ZNF730: variants seen among roughly 807,000 people sequenced by gnomAD.
ZNF730 encodes the protein putative zinc finger protein 730.
A neutral mutation model predicts 12.6 loss-of-function variants in ZNF730; 12 were observed. That is an observed-to-expected ratio of 0.95 (90% CI 0.61 to 1.54). The LOEUF (loss-of-function observed/expected upper bound fraction) is 1.54. ZNF730 is among the 40% of genes most tolerant of loss of function. The pLI is 0.00. For missense variants in ZNF730, 643 were observed against 583.5 expected (o/e 1.10, Z -1.05); for synonymous variants, 194 against 195.8 (o/e 0.99, Z 0.08).
At chr19:23,105,895 T>C (rs1026208407) in intron 1 of ZNF730, among the ~76,000 whole-genome samples, 4 of 152,240 alleles carry the variant, frequency 2.6e-5, no homozygotes, top group African/African-American at 9.6e-5. Flanking sequence ...CGCCACAGTA[T>C]GCATGAGTCA....
At chr19:23,145,244 G>A (rs1970984794) in intron 3 of ZNF730, 27 bp from the exon 4 acceptor site, 1 of 1,432,178 alleles carries the variant, frequency 7.0e-7, no homozygotes, top group Non-Finnish European at 9.2e-7. Context: ...AGTACATGCA[G>A]TAATTTGTTA....
intron 1 of ZNF730, among the ~76,000 whole-genome samples, chr19:23,090,030 G>A (rs890313740): frequency 1.3e-5 from 2 of 152,032 alleles, no homozygotes; most frequent in Non-Finnish European, 1.5e-5. Context: ...GGCAGACCAC[G>A]AGGTCAAGAG....
chr19:23,139,092 A>C (rs957215913), intron 3 of ZNF730, among the ~76,000 whole-genome samples: 7 of 152,234 alleles, frequency 4.6e-5, no homozygotes, highest in Non-Finnish European at 8.8e-5. Flanking sequence ...GTAGGCAGGC[A>C]GGCAAAAAGA....
At chr19:23,133,366 A>AG (rs1970771216) in intron 1 of ZNF730, among the ~76,000 whole-genome samples, 1 of 151,966 alleles carries the variant, frequency 6.6e-6, no homozygotes, top group Non-Finnish European at 1.5e-5. Flanking sequence ...TTTTTGAGAC[A>AG]GTTTCACTCT....
chr19:23,097,048 C>T (rs1403859036), intron 1 of ZNF730, among the ~76,000 whole-genome samples: 1 of 152,124 alleles, frequency 6.6e-6, no homozygotes, highest in Non-Finnish European at 1.5e-5. Flanking sequence ...GTGGCTCCTC[C>T]CTGGGCCCAG....
upstream of ZNF730, chr19:23,116,923 GGGCGGGGCCTT>G: frequency 2.2e-5 from 2 of 90,592 alleles, no homozygotes; most frequent in Non-Finnish European, 4.2e-5. Flanking sequence ...GGGCCTGAGG[GGGCGGGGCCTT>G]AAACGTTATC....
chr19:23,119,649 T>C (rs1970574373), intron 1 of ZNF730, among the ~76,000 whole-genome samples: 3 of 152,192 alleles, frequency 2.0e-5, no homozygotes, highest in Non-Finnish European at 4.4e-5. Context: ...AAACCCTGTC[T>C]CTACTAAAAA....
chr19:23,093,706 C>G (rs1471237008), intron 1 of ZNF730, among the ~76,000 whole-genome samples: 1 of 152,190 alleles, frequency 6.6e-6, no homozygotes, highest in Non-Finnish European at 1.5e-5. Flanking sequence ...CAGCCCTCTC[C>G]CACCCCAGGG....
Position 23,146,385 on chromosome 19 carries a change from T to A in ZNF730, c.1341T>A (p.Thr447=), listed in dbSNP as rs776718217. The A allele has an allele frequency of 1.9e-6, 3 of 1,613,336 alleles. No homozygotes were observed. In the African/African-American group the frequency reaches 4.0e-5, roughly 22 times the overall value. ...STLTTHKRIH[T]GEKPYECEEC... ...TTACTACACATAAAAGAATTCATAC[T>A]GGAGAGAAACCCTATGAATGTGAAG... Residue 447 remains threonine (T), a synonymous_variant, in exon 4 of 4, where the codon ACT becomes ACA. Coordinates refer to ENST00000597761, the MANE Select transcript of ZNF730 (RefSeq NM_001277403.2).
At chr19:23,087,764 C>T (rs1233939937) in intron 1 of ZNF730, among the ~76,000 whole-genome samples, 2 of 151,136 alleles carry the variant, frequency 1.3e-5, no homozygotes, top group East Asian at 2.0e-4. Context: ...TACAGGCATG[C>T]GCCACCACGC....
intron 1 of ZNF730, among the ~76,000 whole-genome samples, chr19:23,081,275 G>A (rs1969962028): frequency 6.6e-6 from 1 of 151,896 alleles, no homozygotes; most frequent in East Asian, 1.9e-4. Context: ...CTCCTGAGCA[G>A]CTTGGATTAC....
At chr19:23,076,175 G>C (rs17449027) in intron 1 of ZNF730, among the ~76,000 whole-genome samples, 1 of 152,008 alleles carries the variant, frequency 6.6e-6, no homozygotes, top group Non-Finnish European at 1.5e-5. Flanking sequence ...TCCAGTTTAC[G>C]ACACTATCAA....
At chr19:23,078,860 A>C (rs1164465801) in intron 1 of ZNF730, among the ~76,000 whole-genome samples, 1 of 151,796 alleles carries the variant, frequency 6.6e-6, no homozygotes, top group East Asian at 1.9e-4. Flanking sequence ...ACTGGAGTGC[A>C]GTGGCACAAT....
At chr19:23,126,770 G>C (rs543729472) in intron 1 of ZNF730, 13 of 495,018 alleles carry the variant, frequency 2.6e-5, no homozygotes, top group South Asian at 2.0e-4. Flanking sequence ...ATAATTGTTG[G>C]GAAGTTTTAG....
intron 1 of ZNF730, among the ~76,000 whole-genome samples, chr19:23,076,402 C>T (rs779277702): frequency 1.1e-4 from 16 of 152,288 alleles, no homozygotes; most frequent in Non-Finnish European, 2.2e-4. Flanking sequence ...CCTAGGTACA[C>T]ACACCTTATT....
chr19:23,082,865 C>T (rs1188737304), intron 1 of ZNF730, among the ~76,000 whole-genome samples: 4 of 152,012 alleles, frequency 2.6e-5, no homozygotes, highest in African/African-American at 9.7e-5. Flanking sequence ...CCATGCCCAA[C>T]TAATTTTGTG....
At chr19:23,087,878 G>A (rs1050490102) in intron 1 of ZNF730, among the ~76,000 whole-genome samples, 2 of 152,036 alleles carry the variant, frequency 1.3e-5, no homozygotes, top group Non-Finnish European at 2.9e-5. Context: ...CTCCCAAAGT[G>A]CTGGGATTAC....
intron 1 of ZNF730, among the ~76,000 whole-genome samples, chr19:23,110,575 C>T (rs896001354): frequency 6.6e-6 from 1 of 152,232 alleles, no homozygotes; most frequent in Non-Finnish European, 1.5e-5. Context: ...GCCACCGTGT[C>T]TGGCCTCTTT....
At chr19:23,114,300 C>CTTTTTT (rs11413226), upstream of ZNF730, among the ~76,000 whole-genome samples, 1,287 of 119,144 alleles carry the variant, frequency 0.011, 160 homozygotes, top group African/African-American at 0.012. Flanking sequence ...TTTTCTTTTT[C>CTTTTTT]TTTTCTTTTT....
Sources: allele counts gnomAD v4.1 joint callset (sites outside exome capture counted in the v4.1 genomes callset), GRCh38; gene constraint gnomAD v4.1.1; transcripts MANE v1.5; gene names NCBI Gene and HGNC (gene_info 2026-07-23, HGNC 2026-07-21).